NEK8: variants seen among roughly 807,000 people sequenced by gnomAD.
The protein encoded by NEK8 is NIMA related kinase 8.
A neutral mutation model predicts 77.2 loss-of-function variants in NEK8; 51 were observed. That is an observed-to-expected ratio of 0.66 (90% confidence interval 0.53 to 0.83). The LOEUF (loss-of-function observed/expected upper bound fraction) is 0.83. Among genes scored for constraint, NEK8 ranks in the 40% least tolerant of loss-of-function variants. NEK8 has a pLI of 0.00. For synonymous variants in NEK8, 365 were observed against 363.2 expected, an observed-to-expected ratio of 1.00 and a Z score of -0.06; for missense variants, 787 against 909.2, an observed-to-expected ratio of 0.87 and a Z score of 1.73.
chr17:28,741,978 C>A lies in NEK8; in HGVS notation c.2070C>A (p.Val690=), dbSNP rs775679085. ...LAVRSVTDEP[V]PP ...CTCCAGCGGTCACAGATGAGCCGGT[C>A]CCCCCCTGAGGCACCCGGATTCACC... Residue 690 remains valine (V), a synonymous_variant, in exon 15 of 15, where the codon GTC becomes GTA. Coordinates refer to ENST00000268766, the MANE Select transcript of NEK8 (RefSeq NM_178170.3). This position sits in a 1 kb window ranked among gnomAD's most constrained non-coding sequence, Gnocchi z 4.5. The A allele has an allele frequency of 6.2e-7, 1 of 1,612,914 alleles. No individual in the cohort carries two copies. Among genetic ancestry groups the A allele is most frequent in the Non-Finnish European group, 8.5e-7 (1 of 1,178,980 alleles).
rs1156688282 is a variant in NEK8, at chr17:28,738,965, TAAAG to T, written c.1300-117_1300-114del. The T allele has an allele frequency of 2.9e-5, 26 of 902,074 alleles. No homozygotes were observed. In the South Asian group the frequency reaches 3.3e-4, roughly 11 times the overall value. The allele number at this position is 902,074 out of a possible 1,614,324, so 55.9% of individuals were successfully genotyped here. On this transcript the variant is annotated intron_variant, in intron 9 of 14. Transcript: ENST00000268766. ...ACCTGGCAGTGTGTATGGCTGGATT[TAAAG>T]ACACAGCCACCTCCTGAGAATGTGT...
rs1433850856 is a variant in NEK8, at chr17:28,737,015, T to G, written c.619-291T>G. 1.3e-5 allele frequency among the ~76,000 whole-genome samples: 2 copies of G among 152,252 alleles called. No individual in the cohort carries two copies. The highest frequency in any genetic ancestry group is 2.9e-5 in the Non-Finnish European group (2 of 68,042). ...GCTAGCCAGTTTTCCCAGCACCATT[T>G]ATTAAATAGGGAATCCTTTCCCCAT... On this transcript the variant is annotated intron_variant, in intron 4 of 14. Coordinates refer to ENST00000268766, the MANE Select transcript of NEK8 (RefSeq NM_178170.3). This position sits in a 1 kb window ranked among gnomAD's most constrained non-coding sequence, Gnocchi z 4.8.
chr17:28,739,511 G>A (rs868130772), intron 10 of NEK8, among the ~76,000 whole-genome samples: 5 of 152,254 alleles, frequency 3.3e-5, no homozygotes, highest in Middle Eastern at 3.4e-3. Context: ...GTGCAGTGGC[G>A]TGATCTCAGC....
rs2034379355 is a variant in NEK8, at chr17:28,737,723, T to G, written c.876T>G (p.Ser292Arg). The change falls in exon 6 of 15, where the codon AGT becomes AGG. Residue 292 changes from serine (S) to arginine (R), a missense_variant. This residue lies in a region of NEK8 where 516 missense variants were observed against 544.0 expected (regional missense o/e 0.95). Transcript: ENST00000268766. The surrounding 1 kb of genome is among the most constrained non-coding windows in gnomAD (Gnocchi z 4.8). Reference protein sequence around the residue: ...APSNTGSRTTSVRCRGIPRGP... With the variant: ...APSNTGSRTTRVRCRGIPRGP... ...GCAACACAGGGAGCAGGACCACCAG[T>G]GTCCGCTGCAGAGGTAAGTGGGAAG... 1 of 1,614,116 alleles carries G rather than the reference T, an allele frequency of 6.2e-7. No individual in the cohort carries two copies. Among genetic ancestry groups the G allele is most frequent in the Admixed American group, 1.7e-5 (1 of 60,014 alleles).
At chr17:28,739,337 C>T in intron 10 of NEK8, 136 bp downstream of exon 10, 1 of 764,128 alleles carries the variant, frequency 1.3e-6, no homozygotes, top group Non-Finnish European at 2.4e-6. Context: ...TTCAACAAAC[C>T]TTTATTTTAC....
In NEK8 at chr17:28,741,057, T is replaced by C. The variant is rs1370209823; in HGVS notation, c.1733-21T>C. ...CCTTGGTACCCTGTTGAAGCACCCCTTTCCTTCCTCTCCCCCATAGCCTCG... is the reference window on the plus strand; with the variant it reads ...CCTTGGTACCCTGTTGAAGCACCCCCTTCCTTCCTCTCCCCCATAGCCTCG... On this transcript the variant is annotated intron_variant, in intron 12 of 14. Transcript: ENST00000268766. The surrounding 1 kb of genome is among the most constrained non-coding windows in gnomAD (Gnocchi z 4.5). The C allele has an allele frequency of 1.2e-6, 2 of 1,614,170 alleles. No individual in the cohort carries two copies. Among genetic ancestry groups the C allele is most frequent in the South Asian group, 2.2e-5 (2 of 91,082 alleles).
rs1567761142 is a variant in NEK8, at chr17:28,738,720, C to G, written c.1272C>G (p.Gly424=). ...TFGSGSNGCL[G]HGSLTDISQP... is the part of the protein sequence containing the mutation. ...GCAGCGGCAGCAATGGGTGCCTAGG[C>G]CATGGCAGCCTCACTGACATCAGCC... The change falls in exon 9 of 15, where the codon GGC becomes GGG. Residue 424 remains glycine (G), a synonymous_variant. Transcript: ENST00000268766. The G allele has an allele frequency of 6.2e-7, 1 of 1,614,106 alleles. No individual in the cohort carries two copies. The highest frequency in any genetic ancestry group is 1.1e-5 in the South Asian group (1 of 91,078).
intron 4 of NEK8, among the ~76,000 whole-genome samples, chr17:28,735,780 A>AT (rs533689814): frequency 9.0e-5 from 11 of 122,866 alleles, no homozygotes; most frequent in African/African-American, 3.1e-4. Context: ...TTATTTATTT[A>AT]TTTTTTTTAT....
chr17:28,739,967 A>C (rs942221519), intron 10 of NEK8, among the ~76,000 whole-genome samples: 1 of 151,908 alleles, frequency 6.6e-6, no homozygotes, highest in Non-Finnish European at 1.5e-5. Flanking sequence ...GAGGAGAGAG[A>C]TGTCATTTGA....
intron 1 of NEK8, among the ~76,000 whole-genome samples, chr17:28,729,168 G>T (rs2034281129): frequency 6.6e-6 from 1 of 152,276 alleles, no homozygotes; most frequent in Non-Finnish European, 1.5e-5. Flanking sequence ...ACCGGAACGG[G>T]CGTGGTCTTT....
At position 28,740,490 on chromosome 17, in the gene NEK8, C is replaced by T. The variant is rs1435309667; in HGVS notation, c.1445C>T (p.Ser482Phe). ...AGACTGGGGCTAGGCACCAGGGAGT[C>T]CCACAGCTGCCCCCAGCAGGTGCCC... ...SGRLGLGTRE[S>F]HSCPQQVPMP... The change falls in exon 11 of 15, where the codon TCC (serine) becomes TTC (phenylalanine). Residue 482 changes from serine (S) to phenylalanine (F), a missense_variant. Around this residue, in one of 2 missense-constraint regions of NEK8, gnomAD observed 516 missense variants for 544.0 expected, o/e 0.95. Coordinates refer to ENST00000268766, the MANE Select transcript of NEK8 (RefSeq NM_178170.3). The surrounding 1 kb of genome is among the most constrained non-coding windows in gnomAD (Gnocchi z 4.7). 2 of 1,614,094 alleles carry T rather than the reference C, an allele frequency of 1.2e-6. No individual in the cohort carries two copies. The highest frequency in any genetic ancestry group is 2.2e-5 in the South Asian group (2 of 91,070).
At position 28,735,263 on chromosome 17, in the gene NEK8, C is replaced by T; in HGVS notation, c.510C>T (p.Ile170=). ...AGGTGGTGGGTACCCCATGCTATAT[C>T]TCCCCTGAGCTGTGTGAGGGCAAGC... ...AYTVVGTPCY[I]SPELCEGKPY... is the part of the protein sequence containing the mutation. Residue 170 remains isoleucine, a synonymous_variant, in exon 4 of 15, where the codon ATC becomes ATT. Transcript: ENST00000268766. 2 of 1,614,148 alleles carry T rather than the reference C, an allele frequency of 1.2e-6. No individual in the cohort carries two copies. The highest frequency in any genetic ancestry group is 1.7e-6 in the Non-Finnish European group (2 of 1,180,014).
In NEK8 at chr17:28,734,902, C is replaced by T; in HGVS notation, c.384C>T (p.Asp128=). ...HVHTHLILHR[D]LKTQNILLDK... is the part of the protein sequence containing the mutation. ...ACACCCACCTCATCCTGCACCGAGA[C>T]CTCAAGACCCAGAACATCCTGCTTG... Residue 128 remains aspartate, a synonymous_variant, in exon 3 of 15, where the codon GAC becomes GAT. Coordinates refer to ENST00000268766, the MANE Select transcript of NEK8 (RefSeq NM_178170.3). 2.5e-6 allele frequency: 4 copies of T among 1,613,908 alleles called. No homozygotes were observed. Among genetic ancestry groups the T allele is most frequent in the Non-Finnish European group, 3.4e-6 (4 of 1,180,014 alleles).
rs560450228 is a variant in NEK8 at position 28,740,209 on chromosome 17, A to G, written c.1418-254A>G. 7.2e-5 allele frequency among the ~76,000 whole-genome samples: 11 copies of G among 152,250 alleles called. No homozygotes were observed. The highest frequency in any genetic ancestry group is 2.2e-4 in the African/African-American group (9 of 41,558). On this transcript the variant is annotated intron_variant, in intron 10 of 14. Coordinates refer to ENST00000268766, the MANE Select transcript of NEK8 (RefSeq NM_178170.3). This position sits in a 1 kb window ranked among gnomAD's most constrained non-coding sequence, Gnocchi z 4.7. ...TGAGGCAGGAGAATCGCTTGAACCC[A>G]GGAGGCAGAGGTTGCAGTGAGTGAA...
rs2034408111 is a variant in NEK8 at position 28,740,317 on chromosome 17, T to G, written c.1418-146T>G. On this transcript the variant is annotated intron_variant, in intron 10 of 14. Transcript: ENST00000268766. The surrounding 1 kb of genome is among the most constrained non-coding windows in gnomAD (Gnocchi z 4.7). The stretch of plus-strand genomic sequence containing the variant: ...AAAATAAAAAATAAAGAAGGAGGAT[T>G]TTAACCAGCAGAGGGGCCTAGGAAA... 1 of 694,258 alleles carries G rather than the reference T, an allele frequency of 1.4e-6. No homozygotes were observed. The highest frequency in any genetic ancestry group is 1.8e-5 in the African/African-American group (1 of 55,260). 43.0% of individuals were successfully genotyped at this position (694,258 alleles called of 1,614,324 possible).
chr17:28,737,069 T>G lies in NEK8; in HGVS notation c.619-237T>G, dbSNP rs2034371963. ...TTGTTTTTCTCAGGTTTGTCAAAGA[T>G]CAGATAGTTGTAGATGTGTGGCATT... On this transcript the variant is annotated intron_variant, in intron 4 of 14. Transcript: ENST00000268766. This position sits in a 1 kb window ranked among gnomAD's most constrained non-coding sequence, Gnocchi z 4.8. 6.6e-6 allele frequency among the ~76,000 whole-genome samples: 1 copy of G among 152,254 alleles called. No individual in the cohort carries two copies. The highest frequency in any genetic ancestry group is 2.4e-5 in the African/African-American group (1 of 41,462).
rs746234904 is a variant in NEK8, at chr17:28,741,984, CT to C, written c.2077del (p.Ter693GlufsTer11). ...RSVTDEPVPP[*>X] The stretch of plus-strand genomic sequence containing the variant: ...CGGTCACAGATGAGCCGGTCCCCCC[CT>C]GAGGCACCCGGATTCACCTCTGGAC... On this transcript the variant is annotated frameshift_variant and stop_lost, in exon 15 of 15. Transcript: ENST00000268766. LOFTEE classifies it high-confidence loss of function. This position sits in a 1 kb window ranked among gnomAD's most constrained non-coding sequence, Gnocchi z 4.5. The C allele has an allele frequency of 1.6e-5, 26 of 1,613,974 alleles. No homozygotes were observed. The highest frequency in any genetic ancestry group is 1.6e-4 in the Middle Eastern group (1 of 6,084).
intron 10 of NEK8, among the ~76,000 whole-genome samples, chr17:28,739,683 G>A (rs1422848310): frequency 6.6e-6 from 1 of 152,098 alleles, no homozygotes; most frequent in Non-Finnish European, 1.5e-5. Context: ...TCCTGACCTC[G>A]TGATCCACAT....
chr17:28,729,758 C>G (rs1262974393), intron 1 of NEK8, among the ~76,000 whole-genome samples: 1 of 151,996 alleles, frequency 6.6e-6, no homozygotes, highest in Non-Finnish European at 1.5e-5. Flanking sequence ...GTTGGCCAGG[C>G]TGGTCTCAAA....
Sources: allele counts gnomAD v4.1 joint callset (sites outside exome capture counted in the v4.1 genomes callset), GRCh38; gene constraint gnomAD v4.1.1; regional missense constraint gnomAD v4.1.1; non-coding constraint Gnocchi (gnomAD v3.1); transcripts MANE v1.5; gene names NCBI Gene and HGNC (gene_info 2026-07-23, HGNC 2026-07-21).